SORD: variants seen among roughly 807,000 people sequenced by gnomAD.
SORD encodes (R,R)-butanediol dehydrogenase.
SORD carries 18 observed loss-of-function variants against 35.6 expected under a neutral mutation model. That is an observed-to-expected ratio of 0.51 (90% confidence interval 0.35 to 0.75). The LOEUF (loss-of-function observed/expected upper bound fraction) is 0.75. SORD is among the 30% of genes least tolerant of loss of function. SORD has a pLI of 0.01. For synonymous variants in SORD, 106 were observed against 152.9 expected, an observed-to-expected ratio of 0.69 and a Z score of 2.26; for missense variants, 250 against 390.2, an observed-to-expected ratio of 0.64 and a Z score of 3.03.
rs150008632 is a variant in SORD, at chr15:45,051,793, T to C, written c.265+8372T>C. Reference sequence around the variant, plus strand: ...CAGTTTGATCATGAGGTGAGATTCTTGTAAACCTTTTATAACTCTCTACAA... The same window carrying C: ...CAGTTTGATCATGAGGTGAGATTCTCGTAAACCTTTTATAACTCTCTACAA... On this transcript the variant is annotated intron_variant, in intron 3 of 8. Transcript: ENST00000267814. Among the ~76,000 whole-genome samples the C allele has an allele frequency of 9.2e-5, 14 of 152,336 alleles. No individual in the cohort carries two copies. In the East Asian group the frequency reaches 2.7e-3, roughly 29 times the overall value.
intron 3 of SORD, among the ~76,000 whole-genome samples, chr15:45,052,313 G>C (rs1159522949): frequency 6.6e-6 from 1 of 152,198 alleles, no homozygotes; most frequent in African/African-American, 2.4e-5. Context: ...CCTGTGATGG[G>C]GATGGGGACA....
chr15:45,035,111 CT>C (rs1481631442), intron 1 of SORD, among the ~76,000 whole-genome samples: 5 of 152,182 alleles, frequency 3.3e-5, no homozygotes, highest in African/African-American at 1.2e-4. Context: ...ATGCCTGACC[CT>C]TCCCCCGACT....
chr15:45,037,164 T>C (rs1342924677), intron 1 of SORD, among the ~76,000 whole-genome samples: 11 of 152,100 alleles, frequency 7.2e-5, no homozygotes, highest in Non-Finnish European at 1.3e-4. Flanking sequence ...AAAAAGAAAG[T>C]TGGTGTGCAG....
chr15:45,024,892 G>A (rs1490505400), intron 1 of SORD, among the ~76,000 whole-genome samples: 1 of 152,040 alleles, frequency 6.6e-6, no homozygotes, highest in Non-Finnish European at 1.5e-5. Flanking sequence ...AGACGCCACA[G>A]GGAGGGGCCC....
intron 8 of SORD, 132 bp from the exon 9 acceptor site, chr15:45,073,233 G>C (rs1893541975): frequency 1.0e-5 from 5 of 491,668 alleles, no homozygotes; most frequent in Non-Finnish European, 3.5e-6. Flanking sequence ...TGGGTTGTTG[G>C]CCTGTAAAAT....
chr15:45,037,231 A>G (rs1489714842), intron 1 of SORD, among the ~76,000 whole-genome samples: 1 of 152,260 alleles, frequency 6.6e-6, no homozygotes, highest in Non-Finnish European at 1.5e-5. Flanking sequence ...GGCACAGCAC[A>G]GGCTGTGGGC....
chr15:45,067,206 A>G (rs1263075870), intron 5 of SORD, among the ~76,000 whole-genome samples: 2 of 152,154 alleles, frequency 1.3e-5, no homozygotes, highest in African/African-American at 4.8e-5. Flanking sequence ...TACTAAAAAT[A>G]CAAAAATTAG....
intron 1 of SORD, among the ~76,000 whole-genome samples, chr15:45,037,216 C>T (rs1336230927): frequency 2.6e-5 from 4 of 152,358 alleles, no homozygotes; most frequent in East Asian, 1.9e-4. Context: ...GCGTGTTCTG[C>T]TACAGGCACA....
chr15:45,024,096 T>C, intron 1 of SORD, among the ~76,000 whole-genome samples: 1 of 152,154 alleles, frequency 6.6e-6, no homozygotes, highest in East Asian at 1.9e-4. Flanking sequence ...ACCCTGCCTT[T>C]TGCTCCCTGG....
chr15:45,062,476 G>T (rs1204380841), intron 4 of SORD, among the ~76,000 whole-genome samples: 1 of 151,962 alleles, frequency 6.6e-6, no homozygotes, highest in Non-Finnish European at 1.5e-5. Flanking sequence ...GGCCCCAGTG[G>T]TGGTTTTCAG....
At chr15:45,058,367 G>C (rs1271184338) in intron 3 of SORD, among the ~76,000 whole-genome samples, 2 of 152,130 alleles carry the variant, frequency 1.3e-5, no homozygotes, top group East Asian at 3.9e-4. Context: ...GGCGATGGGG[G>C]ATTGACAAAA....
At chr15:45,035,230 C>G (rs892887123) in intron 1 of SORD, among the ~76,000 whole-genome samples, 3 of 152,166 alleles carry the variant, frequency 2.0e-5, no homozygotes, top group Non-Finnish European at 4.4e-5. Flanking sequence ...GCGCACGGTG[C>G]GGGACTGGCA....
At chr15:45,044,678 A>G (rs1401686486) in intron 3 of SORD, among the ~76,000 whole-genome samples, 2 of 142,394 alleles carry the variant, frequency 1.4e-5, no homozygotes, top group Non-Finnish European at 3.0e-5. Context: ...ACTTAGATGT[A>G]CAATTCTTTC....
chr15:45,031,042 C>T (rs561949512), intron 1 of SORD, among the ~76,000 whole-genome samples: 43 of 152,020 alleles, frequency 2.8e-4, no homozygotes, highest in Admixed American at 6.6e-4. Flanking sequence ...TAGGGGAGGT[C>T]GGGGCAGCCA....
chr15:45,054,661 T>C (rs1157400786), intron 3 of SORD, among the ~76,000 whole-genome samples: 4 of 152,226 alleles, frequency 2.6e-5, no homozygotes, highest in Non-Finnish European at 5.9e-5. Context: ...TAGATCCCAT[T>C]TGTCAATTTT....
intron 3 of SORD, among the ~76,000 whole-genome samples, chr15:45,045,663 G>A (rs899151747): frequency 7.9e-5 from 12 of 151,892 alleles, no homozygotes; most frequent in African/African-American, 2.4e-4. Flanking sequence ...GTGTTGGGGA[G>A]TTATTGGAGA....
intron 3 of SORD, among the ~76,000 whole-genome samples, chr15:45,055,834 T>C (rs200229284): frequency 2.6e-5 from 4 of 151,678 alleles, no homozygotes; most frequent in African/African-American, 9.7e-5. Context: ...GCTGGTTCAA[T>C]ATACGCAAAT....
chr15:45,040,952 G>C (rs981470409), intron 2 of SORD, among the ~76,000 whole-genome samples: 1 of 152,206 alleles, frequency 6.6e-6, no homozygotes, highest in Non-Finnish European at 1.5e-5. Flanking sequence ...ACTGTCCAGT[G>C]GGGGTGGGAG....
intron 5 of SORD, among the ~76,000 whole-genome samples, chr15:45,067,897 AT>A (rs1282003989): frequency 8.5e-5 from 13 of 152,194 alleles, no homozygotes; most frequent in African/African-American, 3.1e-4. Flanking sequence ...GTTCTTTGAG[AT>A]TATCTCCACT....
Sources: gnomAD v4.1 joint callset for allele counts (sites outside exome capture counted in the v4.1 genomes callset) on GRCh38, gnomAD v4.1.1 for gene constraint, MANE v1.5 for transcripts, NCBI Gene and HGNC (gene_info 2026-07-23, HGNC 2026-07-21) for gene names.